The following TINCR variants were observed in gnomAD, a reference collection of about 807,000 sequenced individuals.
TINCR encodes the protein TINCR ubiquitin domain containing, also known as TINCR-encoded ubiquitin-like protein.
At chr19:5,559,844 GC>G (rs1176310712), downstream of TINCR, 1 of 152,252 alleles carries the variant, frequency 6.6e-6, no homozygotes, top group African/African-American at 2.4e-5. Context: ...GTTAGCAGAG[GC>G]CCAAACCACG....
At chr19:5,566,663 CACACAT>C (rs2052131428) in intron 1 of TINCR, among the ~76,000 whole-genome samples, 1 of 150,572 alleles carries the variant, frequency 6.6e-6, no homozygotes, top group Admixed American at 6.6e-5. Flanking sequence ...GAGAGAGACA[CACACAT>C]ACACAGACAC....
chr19:5,558,504 A>G (rs1490635759), downstream of TINCR: 1 of 152,362 alleles, frequency 6.6e-6, no homozygotes, highest in African/African-American at 2.4e-5. Context: ...ACTCAGGGAT[A>G]CATGGATGGA....
chr19:5,558,211 A>G (rs996545985), downstream of TINCR: 1 of 152,244 alleles, frequency 6.6e-6, no homozygotes, highest in African/African-American at 2.4e-5. Context: ...CTCTCAAAAC[A>G]GCATTTCTGT....
At position 5,565,617 on chromosome 19, in the gene TINCR, A is replaced by G. The variant is rs1001726627; in HGVS notation, c.260+2048T>C. ...CCGAGAACACCCTCTCCTAGCCCCAAGCTCTGAACCTCCATCCCTCATCAT... is the reference window on the plus strand; with the variant it reads ...CCGAGAACACCCTCTCCTAGCCCCAGGCTCTGAACCTCCATCCCTCATCAT... On this transcript the variant is annotated intron_variant, in intron 1 of 1. Coordinates refer to ENST00000646160, the Ensembl canonical transcript of TINCR. The surrounding 1 kb of genome is among the most constrained non-coding windows in gnomAD (Gnocchi z 4.0). 4.6e-5 allele frequency among the ~76,000 whole-genome samples: 7 copies of G among 151,920 alleles called. No individual in the cohort carries two copies. The highest frequency in any genetic ancestry group is 1.7e-4 in the African/African-American group (7 of 41,370).
At chr19:5,560,569 C>T (rs45500293), downstream of TINCR, 2,098 of 152,456 alleles carry the variant, frequency 0.014, 22 homozygotes, top group Non-Finnish European at 0.022. This position sits in a 1 kb window ranked among gnomAD's most constrained non-coding sequence, Gnocchi z 4.5. Context: ...ATTCCCACAA[C>T]GCACTCCCTG....
At position 5,565,677 on chromosome 19, in the gene TINCR, C is replaced by A. The variant is rs1253326051; in HGVS notation, c.260+1988G>T. ...CTCCCCGTCCCCGCTAAGATCTTCC[C>A]TCAAGAGGGCCTGGGGAGGGGGCCT... On this transcript the variant is annotated intron_variant, in intron 1 of 1. Coordinates refer to ENST00000646160, the Ensembl canonical transcript of TINCR. The surrounding 1 kb of genome is among the most constrained non-coding windows in gnomAD (Gnocchi z 4.0). Among the ~76,000 whole-genome samples, 1 of 152,186 alleles carries A rather than the reference C, an allele frequency of 6.6e-6. No individual in the cohort carries two copies. Among genetic ancestry groups the A allele is most frequent in the Non-Finnish European group, 1.5e-5 (1 of 68,034 alleles).
At position 5,565,911 on chromosome 19, in the gene TINCR, C is replaced by A. The variant is rs1452974353; in HGVS notation, c.260+1754G>T. Among the ~76,000 whole-genome samples, 8 of 152,238 alleles carry A rather than the reference C, an allele frequency of 5.3e-5. No individual in the cohort carries two copies. Among genetic ancestry groups the A allele is most frequent in the Non-Finnish European group, 8.8e-5 (6 of 68,036 alleles). On this transcript the variant is annotated intron_variant, in intron 1 of 1. Coordinates refer to ENST00000646160, the Ensembl canonical transcript of TINCR. The surrounding 1 kb of genome is among the most constrained non-coding windows in gnomAD (Gnocchi z 4.0). ...GGTCCCAGGCTCTGAGACGAGGCCC[C>A]ACCATCTTCACCACCTCTCGGCCAT...
At chr19:5,567,844 T>C (rs2052139963) in exon 1 of TINCR, 1 of 393,352 alleles carries the variant, frequency 2.5e-6, no homozygotes, top group Non-Finnish European at 4.5e-6. Context: ...CGGTCAGCGG[T>C]AGCAGCAGCG....
In TINCR at chr19:5,563,726, C is replaced by G. The variant is rs2052113020; in HGVS notation, c.261-777G>C. Among the ~76,000 whole-genome samples the G allele has an allele frequency of 6.6e-6, 1 of 152,014 alleles. No homozygotes were observed. Among genetic ancestry groups the G allele is most frequent in the Non-Finnish European group, 1.5e-5 (1 of 68,000 alleles). On this transcript the variant is annotated intron_variant, in intron 1 of 1. Transcript: ENST00000646160. The surrounding 1 kb of genome is among the most constrained non-coding windows in gnomAD (Gnocchi z 4.7). ...GGTTAGGAGTTTGAGACCAGCCTGG[C>G]CAACATGGTGAAACGGTCTCTACTA...
intron 1 of TINCR, among the ~76,000 whole-genome samples, chr19:5,567,420 CAA>C (rs764036853): frequency 1.9e-4 from 29 of 152,168 alleles, no homozygotes; most frequent in Non-Finnish European, 3.4e-4. Flanking sequence ...GTGACAGAGA[CAA>C]AAGAGAGAGA....
At chr19:5,561,725 G>GT, downstream of TINCR, 1 of 152,314 alleles carries the variant, frequency 6.6e-6, no homozygotes, top group East Asian at 1.9e-4. Flanking sequence ...GAACTTGGCT[G>GT]TTTTCTGCCA....
chr19:5,566,491 GAGAGACAGAGACAAA>G lies in TINCR; in HGVS notation c.260+1159_260+1173del, dbSNP rs559786050. The stretch of plus-strand genomic sequence containing the variant: ...AGACCAAAATGGGCAGAGACACAGA[GAGAGACAGAGACAAA>G]AGAGACAGAGACTCACAGAGACACA... On this transcript the variant is annotated intron_variant, in intron 1 of 1. Transcript: ENST00000646160. Among the ~76,000 whole-genome samples the G allele has an allele frequency of 7.1e-4, 107 of 151,668 alleles. 1 individual carries two copies. The highest frequency in any genetic ancestry group is 3.4e-3 in the Middle Eastern group (1 of 290).
rs184159389 is a variant in TINCR, at chr19:5,566,431, C to G, written c.260+1234G>C. On this transcript the variant is annotated intron_variant, in intron 1 of 1. Transcript: ENST00000646160. ...ATGGAGAGAGACAGAGAAAGAGAGA[C>G]AGAAATGGAGAGACACACAGAGGAA... is the stretch of plus-strand genomic sequence containing the variant. 4.6e-5 allele frequency among the ~76,000 whole-genome samples: 7 copies of G among 150,818 alleles called. No homozygotes were observed. In the East Asian group the frequency reaches 7.8e-4, roughly 17 times the overall value.
Position 5,565,057 on chromosome 19 carries a change from C to A in TINCR, c.261-2108G>T, listed in dbSNP as rs1158479141. ...CTCCTCTGCCCACAGCCCTCTATGGCTCCCACCTCCCTCGGAGTCAAGGCC... is the reference window on the plus strand; with the variant it reads ...CTCCTCTGCCCACAGCCCTCTATGGATCCCACCTCCCTCGGAGTCAAGGCC... On this transcript the variant is annotated intron_variant, in intron 1 of 1. Transcript: ENST00000646160. The surrounding 1 kb of genome is among the most constrained non-coding windows in gnomAD (Gnocchi z 4.0). Among the ~76,000 whole-genome samples, 4 of 152,128 alleles carry A rather than the reference C, an allele frequency of 2.6e-5. No individual in the cohort carries two copies. Among genetic ancestry groups the A allele is most frequent in the African/African-American group, 9.7e-5 (4 of 41,424 alleles).
intron 1 of TINCR, among the ~76,000 whole-genome samples, chr19:5,567,237 CAG>C (rs1599204727): frequency 1.3e-5 from 2 of 150,314 alleles, no homozygotes; most frequent in African/African-American, 4.9e-5. Context: ...ATGAAAGAGA[CAG>C]AGATAAAAGA....
downstream of TINCR, chr19:5,559,982 A>G (rs2052092630): frequency 1.3e-5 from 2 of 152,280 alleles, no homozygotes; most frequent in Non-Finnish European, 2.9e-5. Flanking sequence ...GGGGGCACAC[A>G]GTGGGTCTCT....
chr19:5,559,221 C>T (rs1177116107), downstream of TINCR: 1 of 152,252 alleles, frequency 6.6e-6, no homozygotes, highest in Non-Finnish European at 1.5e-5. Context: ...CCTCCACCAG[C>T]TCCCGGCATG....
At position 5,565,961 on chromosome 19, in the gene TINCR, C is replaced by A. The variant is rs1193940993; in HGVS notation, c.260+1704G>T. On this transcript the variant is annotated intron_variant, in intron 1 of 1. Coordinates refer to ENST00000646160, the Ensembl canonical transcript of TINCR. This position sits in a 1 kb window ranked among gnomAD's most constrained non-coding sequence, Gnocchi z 4.0. ...TCCTCGACCCATTTCCCAGAGCTGC[C>A]CCAGGCCGGCAGTGAGCTGTTCCCG... Among the ~76,000 whole-genome samples, 6 of 152,214 alleles carry A rather than the reference C, an allele frequency of 3.9e-5. No individual in the cohort carries two copies. Among genetic ancestry groups the A allele is most frequent in the Non-Finnish European group, 8.8e-5 (6 of 68,042 alleles).
rs1049141895 is a variant in TINCR, at chr19:5,565,003, G to T, written c.261-2054C>A. On this transcript the variant is annotated intron_variant, in intron 1 of 1. Coordinates refer to ENST00000646160, the Ensembl canonical transcript of TINCR. The surrounding 1 kb of genome is among the most constrained non-coding windows in gnomAD (Gnocchi z 4.0). ...GTTCTCCCCGCTGCAGCCAGGGGTT[G>T]CCTGTGAGCATTGAGTCAGGTCCCG... Among the ~76,000 whole-genome samples the T allele has an allele frequency of 1.3e-5, 2 of 152,058 alleles. No individual in the cohort carries two copies. The highest frequency in any genetic ancestry group is 2.1e-4 in the South Asian group (1 of 4,798).
Sources: allele counts gnomAD v4.1 joint callset (sites outside exome capture counted in the v4.1 genomes callset), GRCh38; gene constraint gnomAD v4.1.1; non-coding constraint Gnocchi (gnomAD v3.1); transcripts MANE v1.5; gene names NCBI Gene and HGNC (gene_info 2026-07-23, HGNC 2026-07-21).